The following KDM4C variants were observed in gnomAD, a reference collection of about 807,000 sequenced individuals.
The protein encoded by KDM4C is lysine-specific demethylase 4C.
In KDM4C, 81 loss-of-function variants were observed where a neutral mutation model predicts 129.3. The ratio of observed to expected loss-of-function variants is 0.63; its 90% CI spans 0.52 to 0.75. The LOEUF is 0.75. Among genes scored for constraint, KDM4C ranks in the 30% least tolerant of loss-of-function variants. KDM4C has a pLI of 0.00. For missense variants in KDM4C, 1,457 were observed against 1,304.0 expected (o/e 1.12, Z -1.81); for synonymous variants, 573 against 456.1 (o/e 1.26, Z -3.26).
chr9:6,881,620 T>C (rs914283391), intron 6 of KDM4C, among the ~76,000 whole-genome samples: 1 of 152,258 alleles, frequency 6.6e-6, no homozygotes, highest in African/African-American at 2.4e-5. Context: ...TATAAACTTC[T>C]AATGCTTTGA....
At chr9:7,136,405 A>G (rs1430873304) in intron 19 of KDM4C, among the ~76,000 whole-genome samples, 4 of 152,236 alleles carry the variant, frequency 2.6e-5, no homozygotes, top group African/African-American at 9.6e-5. Flanking sequence ...GGAAACTGCC[A>G]AACTGTTTTC....
rs527905972 is a variant in KDM4C, at chr9:6,984,349, A to G, written c.1299A>G (p.Ser433=). The change falls in exon 10 of 22, where the codon TCA becomes TCG. Residue 433 remains serine (S), a synonymous_variant. Transcript: ENST00000381309. ...RNTEASSEEE[S]SASRMQVEQN... The stretch of plus-strand genomic sequence containing the variant: ...CAGAAGCATCTTCAGAAGAAGAGTC[A>G]TCTGCTAGCAGGATGCAGGTGGAGC... 1.7e-5 allele frequency: 27 copies of G among 1,614,014 alleles called. No homozygotes were observed. The South Asian group carries it at 3.0e-4, about 18-fold the overall frequency.
chr9:6,940,043 T>TTCCC, intron 8 of KDM4C, among the ~76,000 whole-genome samples: 1 of 129,230 alleles, frequency 7.7e-6, no homozygotes, highest in African/African-American at 2.9e-5. Flanking sequence ...CTTTCCTTCC[T>TTCCC]TCCCTCCTTC....
At chr9:6,853,718 G>C (rs1201745516) in intron 5 of KDM4C, among the ~76,000 whole-genome samples, 1 of 152,184 alleles carries the variant, frequency 6.6e-6, no homozygotes, top group Non-Finnish European at 1.5e-5. Context: ...AGTATCCTTA[G>C]AGTAAGCAGA....
intron 8 of KDM4C, among the ~76,000 whole-genome samples, chr9:6,971,364 T>C (rs990466696): frequency 3.9e-5 from 6 of 152,236 alleles, no homozygotes; most frequent in African/African-American, 1.4e-4. Flanking sequence ...TAAAAGTGCC[T>C]GTGAATATGA....
At chr9:6,782,819 G>A (rs190423278) in intron 1 of KDM4C, among the ~76,000 whole-genome samples, 2 of 152,314 alleles carry the variant, frequency 1.3e-5, no homozygotes, top group Admixed American at 1.3e-4. Context: ...ATGTATGGAA[G>A]AGAATTGACG....
intron 1 of KDM4C, among the ~76,000 whole-genome samples, chr9:6,743,590 CTCTGCCTCCTGGATTCAAGTGATTCT>C (rs1817776193): frequency 6.6e-6 from 1 of 151,860 alleles, no homozygotes; most frequent in Admixed American, 6.6e-5. Flanking sequence ...TCACTGCAAC[CTCTGCCTCCTGGATTCAAGTGATTCT>C]TCTGCCTCAG....
At chr9:7,065,238 C>G (rs990707763) in intron 17 of KDM4C, among the ~76,000 whole-genome samples, 1 of 151,930 alleles carries the variant, frequency 6.6e-6, no homozygotes, top group Non-Finnish European at 1.5e-5. Flanking sequence ...ATGAAACTTC[C>G]TTAAAACAAA....
chr9:6,749,782 T>C (rs932261215), intron 1 of KDM4C, among the ~76,000 whole-genome samples: 1 of 148,888 alleles, frequency 6.7e-6, no homozygotes, highest in African/African-American at 2.5e-5. Context: ...AGGTCAGGAG[T>C]TCGAGGCCAG....
At chr9:6,972,524 G>A (rs1832177094) in intron 8 of KDM4C, among the ~76,000 whole-genome samples, 1 of 152,112 alleles carries the variant, frequency 6.6e-6, no homozygotes, top group Non-Finnish European at 1.5e-5. Flanking sequence ...TATCTGCTTA[G>A]GAAAATGCCA....
rs1045628420 is a variant in KDM4C, at chr9:6,758,290, C to CG, written c.-18+92dup. On this transcript the variant is annotated intron_variant, in intron 1 of 21. Coordinates refer to ENST00000381309, the MANE Select transcript of KDM4C (RefSeq NM_015061.6). This position sits in a 1 kb window ranked among gnomAD's most constrained non-coding sequence, Gnocchi z 4.6. ...GCACTGCCCCCCTCCGCGTGGGGCA[C>CG]GGGGGTGCGGGCGTCCGGGCGAGCG... 22 of 782,894 alleles carry CG rather than the reference C, an allele frequency of 2.8e-5. No individual in the cohort carries two copies. The highest frequency in any genetic ancestry group is 6.4e-4 in the Middle Eastern group (1 of 1,558). The allele number at this position is 782,894 out of a possible 1,614,324, so 48.5% of individuals were successfully genotyped here.
At chr9:6,820,559 G>C (rs1393051328) in intron 4 of KDM4C, among the ~76,000 whole-genome samples, 1 of 152,100 alleles carries the variant, frequency 6.6e-6, no homozygotes, top group Non-Finnish European at 1.5e-5. Flanking sequence ...AAGGAGCAGA[G>C]AAGGTGCCAT....
chr9:6,723,005 CAAAACA>C (rs150077025), intron 1 of KDM4C, among the ~76,000 whole-genome samples: 12,807 of 151,812 alleles, frequency 0.084, 772 homozygotes, highest in South Asian at 0.25. Flanking sequence ...CTCATAAAAA[CAAAACA>C]AAAACAAAAA....
At chr9:7,014,724 T>C (rs1231761389) in intron 14 of KDM4C, among the ~76,000 whole-genome samples, 1 of 152,162 alleles carries the variant, frequency 6.6e-6, no homozygotes, top group Non-Finnish European at 1.5e-5. Context: ...GTAGTTTGAA[T>C]GGTTTATAAT....
At chr9:6,833,760 C>G (rs1387730476) in intron 4 of KDM4C, among the ~76,000 whole-genome samples, 2 of 152,174 alleles carry the variant, frequency 1.3e-5, no homozygotes, top group African/African-American at 4.8e-5. Flanking sequence ...CAGAAGTCTC[C>G]AGGCCTTAAC....
chr9:7,166,266 C>A (rs1462388418), intron 20 of KDM4C, among the ~76,000 whole-genome samples: 1 of 152,158 alleles, frequency 6.6e-6, no homozygotes, highest in African/African-American at 2.4e-5. Flanking sequence ...TGTTCAAAGA[C>A]TGATAAGGAG....
At chr9:6,790,648 ATTCAGC>A (rs1425815766) in intron 1 of KDM4C, among the ~76,000 whole-genome samples, 4 of 125,450 alleles carry the variant, frequency 3.2e-5, no homozygotes, top group Admixed American at 8.2e-5. Flanking sequence ...GGCAGATTAA[ATTCAGC>A]AAAAAAAAAA....
chr9:7,100,114 G>A lies in KDM4C; in HGVS notation c.2425-3571G>A, dbSNP rs142317483. Reference sequence around the variant, plus strand: ...TTATTCTGAAGGCAAAATCAAGGCCGGTTGTGGCGTGATGGCTCATGCCTG... The same window carrying A: ...TTATTCTGAAGGCAAAATCAAGGCCAGTTGTGGCGTGATGGCTCATGCCTG... On this transcript the variant is annotated intron_variant, in intron 17 of 21. Coordinates refer to ENST00000381309, the MANE Select transcript of KDM4C (RefSeq NM_015061.6). 2.3e-3 allele frequency among the ~76,000 whole-genome samples: 353 copies of A among 152,116 alleles called. 1 individual carries two copies. The highest frequency in any genetic ancestry group is 8.1e-3 in the African/African-American group (335 of 41,512).
At chr9:6,771,897 C>T (rs12336300) in intron 1 of KDM4C, among the ~76,000 whole-genome samples, 20 of 152,276 alleles carry the variant, frequency 1.3e-4, no homozygotes, top group African/African-American at 4.3e-4. Context: ...GGGTTGTGAC[C>T]TACCTGGGAG....
Sources: allele counts gnomAD v4.1 joint callset (sites outside exome capture counted in the v4.1 genomes callset), GRCh38; gene constraint gnomAD v4.1.1; non-coding constraint Gnocchi (gnomAD v3.1); transcripts MANE v1.5; gene names NCBI Gene and HGNC (gene_info 2026-07-23, HGNC 2026-07-21).